NAV2: variants seen among roughly 807,000 people sequenced by gnomAD.
The protein encoded by NAV2 is helicase, APC down-regulated 1.
In NAV2, 54 loss-of-function variants were observed where a neutral mutation model predicts 223.2. That is an observed-to-expected ratio of 0.24 (90% confidence interval 0.19 to 0.30). The LOEUF is 0.30. Ranked by LOEUF, NAV2 falls within the 10% of genes least tolerant of loss-of-function variation. The probability of loss-of-function intolerance (pLI) is 1.00; values close to 1 mark genes in which losing one functional copy is unlikely to be tolerated. For missense variants in NAV2, 2,806 were observed against 3,147.5 expected, an observed-to-expected ratio of 0.89 and a Z score of 2.60; for synonymous variants, 1,279 against 1,239.3, an observed-to-expected ratio of 1.03 and a Z score of -0.67.
intron 27 of NAV2, 56 bp from the exon 28 acceptor site, chr11:20,092,150 A>T (rs1377350287): frequency 1.3e-6 from 2 of 1,554,510 alleles, no homozygotes; most frequent in East Asian, 2.3e-5. Context: ...CCTTCAGAAA[A>T]ATCTTGTTCA....
chr11:19,740,744 C>T (rs767328959), intron 1 of NAV2, among the ~76,000 whole-genome samples: 13 of 152,090 alleles, frequency 8.5e-5, no homozygotes, highest in Non-Finnish European at 1.6e-4. Flanking sequence ...GTATCTCGGG[C>T]ATGTTATCAG....
At chr11:19,748,471 T>C (rs2053551801) in intron 1 of NAV2, among the ~76,000 whole-genome samples, 1 of 152,200 alleles carries the variant, frequency 6.6e-6, no homozygotes, top group African/African-American at 2.4e-5. Flanking sequence ...TCTCACTATT[T>C]AATCTTTTTT....
chr11:19,729,062 T>C (rs1487257541), intron 1 of NAV2, among the ~76,000 whole-genome samples: 1 of 152,138 alleles, frequency 6.6e-6, no homozygotes, highest in East Asian at 1.9e-4. Context: ...GAGTCTGATT[T>C]TGCAGATCTG....
intron 1 of NAV2, among the ~76,000 whole-genome samples, chr11:19,606,735 C>T (rs1272737182): frequency 6.6e-6 from 1 of 152,258 alleles, no homozygotes. Context: ...ACACCCAGAA[C>T]ATCATGGAAG....
intron 1 of NAV2, among the ~76,000 whole-genome samples, chr11:19,446,740 G>A (rs1262378797): frequency 6.6e-6 from 1 of 152,186 alleles, no homozygotes; most frequent in Non-Finnish European, 1.5e-5. Context: ...TCAAATGTGG[G>A]AGCCAGAGCC....
chr11:20,014,765 G>A (rs1403402786), intron 11 of NAV2, among the ~76,000 whole-genome samples: 2 of 152,128 alleles, frequency 1.3e-5, no homozygotes, highest in Non-Finnish European at 2.9e-5. Context: ...AGCTGTGTGT[G>A]GTGGTGCACA....
chr11:19,903,710 GC>G (rs1681206788), intron 6 of NAV2, among the ~76,000 whole-genome samples: 3 of 151,948 alleles, frequency 2.0e-5, no homozygotes, highest in Admixed American at 2.0e-4. Context: ...AGTCACTGCT[GC>G]CCCCTACTGC....
chr11:20,103,221 A>G (rs1222649795), intron 32 of NAV2, 34 bp from the exon 33 acceptor site: 1 of 1,591,702 alleles, frequency 6.3e-7, no homozygotes, highest in Non-Finnish European at 8.6e-7. Context: ...GCATTCACCC[A>G]CTTGTTCTCC....
chr11:20,100,129 G>C (rs1470573380), intron 31 of NAV2, among the ~76,000 whole-genome samples: 1 of 152,176 alleles, frequency 6.6e-6, no homozygotes, highest in Non-Finnish European at 1.5e-5. Context: ...TTTCTTGAGA[G>C]TACCTTTTAA....
intron 3 of NAV2, among the ~76,000 whole-genome samples, chr11:19,849,301 C>T (rs1282767562): frequency 6.6e-6 from 1 of 152,146 alleles, no homozygotes; most frequent in Non-Finnish European, 1.5e-5. Flanking sequence ...CTCACCAAGC[C>T]GTGTTCTCCT....
intron 1 of NAV2, among the ~76,000 whole-genome samples, chr11:19,753,763 T>A (rs139342608): frequency 1.3e-5 from 2 of 152,344 alleles, no homozygotes; most frequent in East Asian, 3.9e-4. Flanking sequence ...TCTCCACTAA[T>A]AGGCAAATTG....
At chr11:19,835,014 G>C (rs762392830) in intron 2 of NAV2, among the ~76,000 whole-genome samples, 2 of 152,198 alleles carry the variant, frequency 1.3e-5, no homozygotes, top group Non-Finnish European at 2.9e-5. Flanking sequence ...TCAGTATGTT[G>C]TGATAGATTA....
At chr11:19,827,410 A>G (rs2059696516) in intron 1 of NAV2, among the ~76,000 whole-genome samples, 1 of 152,128 alleles carries the variant, frequency 6.6e-6, no homozygotes, top group African/African-American at 2.4e-5. Flanking sequence ...TTGACCGCCT[A>G]TTTGTTTACA....
chr11:19,826,874 A>C (rs2059660241), intron 1 of NAV2, among the ~76,000 whole-genome samples: 1 of 152,182 alleles, frequency 6.6e-6, no homozygotes, highest in South Asian at 2.1e-4. Flanking sequence ...CTCCATATTC[A>C]GCTCTACCTG....
chr11:19,355,223 G>C (rs1398118724), intron 1 of NAV2, among the ~76,000 whole-genome samples: 6 of 149,080 alleles, frequency 4.0e-5, no homozygotes, highest in Non-Finnish European at 8.9e-5. Flanking sequence ...CACAGCGGAT[G>C]AACATTGTAA....
chr11:19,470,994 T>A (rs1290562531), intron 1 of NAV2, among the ~76,000 whole-genome samples: 2 of 152,100 alleles, frequency 1.3e-5, no homozygotes, highest in Non-Finnish European at 2.9e-5. Context: ...CTGGAAGGGA[T>A]CTGGTGGGGC....
intron 1 of NAV2, among the ~76,000 whole-genome samples, chr11:19,688,965 A>AT (rs2049095264): frequency 6.6e-6 from 1 of 152,040 alleles, no homozygotes; most frequent in Admixed American, 6.6e-5. Context: ...AAACTAGATT[A>AT]TTTTTTCAGA....
chr11:19,501,547 G>A (rs1362534435), intron 1 of NAV2, among the ~76,000 whole-genome samples: 1 of 152,090 alleles, frequency 6.6e-6, no homozygotes, highest in Admixed American at 6.6e-5. Flanking sequence ...AACAGATCTT[G>A]AGGCAGAGTC....
At chr11:19,712,276 C>T (rs2049921890), upstream of NAV2, 1 of 152,246 alleles carries the variant, frequency 6.6e-6, no homozygotes, top group Non-Finnish European at 1.5e-5. Flanking sequence ...ATTGTATTTG[C>T]CTATAAATAC....
Sources: gnomAD v4.1 joint callset for allele counts (sites outside exome capture counted in the v4.1 genomes callset) on GRCh38, gnomAD v4.1.1 for gene constraint, MANE v1.5 for transcripts, NCBI Gene and HGNC (gene_info 2026-07-23, HGNC 2026-07-21) for gene names.